Variants in WDR7 observed in about 807,000 individuals in gnomAD.
WDR7 encodes WD repeat domain 7.
WDR7 carries 46 observed loss-of-function variants against 169.4 expected under a neutral mutation model. The observed-to-expected ratio is 0.27, with a 90% confidence interval of 0.21 to 0.35. The LOEUF is 0.35. Ranked by LOEUF, WDR7 falls within the 10% of genes least tolerant of loss-of-function variation. The pLI is 1.00. For synonymous variants in WDR7, 612 were observed against 666.8 expected (o/e 0.92, Z 1.27); for missense variants, 1,534 against 1,859.3 (o/e 0.83, Z 3.22).
intron 26 of WDR7, among the ~76,000 whole-genome samples, chr18:56,997,410 G>A (rs1225981335): frequency 6.6e-6 from 1 of 152,116 alleles, no homozygotes; most frequent in African/African-American, 2.4e-5. Flanking sequence ...TTGTAAGGTT[G>A]GGTATTAATG....
chr18:56,713,603 G>T (rs1466512639), intron 12 of WDR7, among the ~76,000 whole-genome samples: 1 of 152,144 alleles, frequency 6.6e-6, no homozygotes, highest in Non-Finnish European at 1.5e-5. Flanking sequence ...CAGTTTAAGT[G>T]TTTTATACAT....
intron 25 of WDR7, among the ~76,000 whole-genome samples, chr18:56,951,260 A>G (rs1311739939): frequency 2.6e-5 from 4 of 152,160 alleles, no homozygotes; most frequent in Non-Finnish European, 5.9e-5. Flanking sequence ...AACTTCTCTG[A>G]TAATTTCCTA....
chr18:56,888,889 AG>A (rs1274098693), intron 21 of WDR7, among the ~76,000 whole-genome samples: 1 of 152,156 alleles, frequency 6.6e-6, no homozygotes, highest in African/African-American at 2.4e-5. Context: ...GATTAGGCAG[AG>A]GGGGAAGTTG....
chr18:56,781,464 C>G lies in WDR7; in HGVS notation c.3067-69C>G, dbSNP rs562521935. 210 of 1,365,072 alleles carry G rather than the reference C, an allele frequency of 1.5e-4. 1 individual carries two copies. Among genetic ancestry groups the G allele is most frequent in the African/African-American group, 4.2e-4 (28 of 67,450 alleles). 84.6% of individuals were successfully genotyped at this position (1,365,072 alleles called of 1,614,324 possible). On this transcript the variant is annotated intron_variant, in intron 18 of 27. Transcript: ENST00000254442. ...CTAGCCTTATTTCATTATAAATTTT[C>G]TAGTTTATGAATATTCACCTCCTCA...
intron 12 of WDR7, among the ~76,000 whole-genome samples, chr18:56,713,767 A>G (rs1215311978): frequency 6.6e-6 from 1 of 152,218 alleles, no homozygotes; most frequent in Non-Finnish European, 1.5e-5. Flanking sequence ...CTAGAATTTA[A>G]TAATAAAGGA....
chr18:56,674,310 T>G (rs1169870578), intron 2 of WDR7, among the ~76,000 whole-genome samples: 1 of 152,190 alleles, frequency 6.6e-6, no homozygotes, highest in African/African-American at 2.4e-5. Flanking sequence ...GCTGTTATCT[T>G]TTTGATTCTA....
Position 56,763,369 on chromosome 18 carries a change from T to C in WDR7, c.2848+4416T>C, listed in dbSNP as rs143227231. Among the ~76,000 whole-genome samples, 777 of 152,280 alleles carry C rather than the reference T, an allele frequency of 5.1e-3. 3 individuals are homozygous for C. Among genetic ancestry groups the C allele is most frequent in the Non-Finnish European group, 8.0e-3 (542 of 68,014 alleles). On this transcript the variant is annotated intron_variant, in intron 16 of 27. Coordinates refer to ENST00000254442, the MANE Select transcript of WDR7 (RefSeq NM_015285.3). ...TTTTTTCTGCATCTATTGAAATGAT[T>C]ATTTGATTTTTGTCTTTTATTTTCT...
intron 1 of WDR7, among the ~76,000 whole-genome samples, chr18:56,656,700 GC>G (rs1203999704): frequency 6.6e-6 from 1 of 150,794 alleles, no homozygotes; most frequent in Non-Finnish European, 1.5e-5. Context: ...TCTCATCTTT[GC>G]CCATTTTCAA....
chr18:56,725,658 A>G (rs2144777516), intron 13 of WDR7, among the ~76,000 whole-genome samples: 1 of 152,272 alleles, frequency 6.6e-6, no homozygotes, highest in South Asian at 2.1e-4. Flanking sequence ...CTTTAGTTTA[A>G]TTAGATCGCA....
At chr18:56,747,529 T>G (rs777306578) in intron 14 of WDR7, among the ~76,000 whole-genome samples, 2 of 152,172 alleles carry the variant, frequency 1.3e-5, no homozygotes, top group Non-Finnish European at 2.9e-5. Flanking sequence ...GGCCCTGGCA[T>G]TGGGGAGTTC....
chr18:56,652,951 A>C (rs148567150), intron 1 of WDR7, among the ~76,000 whole-genome samples: 2 of 152,150 alleles, frequency 1.3e-5, no homozygotes, highest in East Asian at 3.9e-4. Flanking sequence ...TCTTTGATAT[A>C]TGTTCCGTTT....
intron 26 of WDR7, among the ~76,000 whole-genome samples, chr18:56,991,327 T>G (rs1406421153): frequency 6.6e-6 from 1 of 152,080 alleles, no homozygotes; most frequent in Non-Finnish European, 1.5e-5. Flanking sequence ...TTTGTATTTT[T>G]GGTAGAGACG....
At chr18:56,872,812 T>A (rs530185799) in intron 20 of WDR7, 1 of 152,216 alleles carries the variant, frequency 6.6e-6, no homozygotes, top group South Asian at 2.1e-4. Flanking sequence ...GGAAAAAAAA[T>A]ACCAAATTTT....
At chr18:56,912,062 C>T (rs1445234204) in intron 21 of WDR7, among the ~76,000 whole-genome samples, 1 of 152,160 alleles carries the variant, frequency 6.6e-6, no homozygotes, top group East Asian at 1.9e-4. Flanking sequence ...GTGGCAAGCC[C>T]CCCTTCACGG....
intron 26 of WDR7, among the ~76,000 whole-genome samples, chr18:57,017,998 A>G (rs1424532558): frequency 1.3e-5 from 2 of 152,236 alleles, no homozygotes; most frequent in Non-Finnish European, 2.9e-5. Flanking sequence ...CTGTTTTACT[A>G]CTTTTACAAA....
chr18:56,937,982 A>T (rs1283340246), intron 23 of WDR7, among the ~76,000 whole-genome samples: 1 of 152,220 alleles, frequency 6.6e-6, no homozygotes. Context: ...GTGAAAATCT[A>T]TGTCCTATTC....
intron 20 of WDR7, among the ~76,000 whole-genome samples, chr18:56,855,094 T>C (rs1324375218): frequency 6.6e-6 from 1 of 152,206 alleles, no homozygotes; most frequent in Non-Finnish European, 1.5e-5. Context: ...TATCCAACGC[T>C]TGACATTTAA....
intron 12 of WDR7, among the ~76,000 whole-genome samples, chr18:56,709,521 G>A (rs530836013): frequency 6.6e-6 from 1 of 152,250 alleles, no homozygotes; most frequent in South Asian, 2.1e-4. Flanking sequence ...TATTCACACA[G>A]CAATTCTGTT....
intron 20 of WDR7, among the ~76,000 whole-genome samples, chr18:56,823,985 C>A (rs12326572): frequency 0.12 from 18,544 of 152,168 alleles, 1,627 homozygotes; most frequent in African/African-American, 0.25. Context: ...ACCCTTCACC[C>A]TCATTAACAG....
Sources: allele counts gnomAD v4.1 joint callset (sites outside exome capture counted in the v4.1 genomes callset), GRCh38; gene constraint gnomAD v4.1.1; transcripts MANE v1.5; gene names NCBI Gene and HGNC (gene_info 2026-07-23, HGNC 2026-07-21).